Variants in EMC3 observed in about 807,000 individuals in gnomAD.
EMC3 encodes ER membrane protein complex subunit 3.
Under a neutral mutation model 36.6 loss-of-function variants are expected in EMC3, and 13 were observed. The observed-to-expected ratio is 0.35, with a 90% CI of 0.23 to 0.56. The LOEUF (loss-of-function observed/expected upper bound fraction) is 0.56. EMC3 is among the 20% of genes least tolerant of loss of function. EMC3 has a pLI of 0.84. For synonymous variants in EMC3, 120 were observed against 111.9 expected (o/e 1.07, Z -0.46); for missense variants, 220 against 324.5 (o/e 0.68, Z 2.47).
At chr3:9,969,518 C>T in intron 7 of EMC3, 1 of 1,453,558 alleles carries the variant, frequency 6.9e-7, no homozygotes, top group East Asian at 2.6e-5. Flanking sequence ...ATTTAAAAAC[C>T]AGTAAAAGCA....
chr3:9,982,229 C>A (rs1173799673), intron 1 of EMC3, among the ~76,000 whole-genome samples: 2 of 151,562 alleles, frequency 1.3e-5, no homozygotes, highest in African/African-American at 4.9e-5. Flanking sequence ...GGATTACAGG[C>A]TTGAGCCACC....
chr3:9,987,319 TA>T (rs2085988643), upstream of EMC3: 2 of 985,332 alleles, frequency 2.0e-6, no homozygotes, highest in African/African-American at 3.5e-5. Flanking sequence ...CCCTGCGACC[TA>T]ATCTCTTAAG....
upstream of EMC3, chr3:9,987,708 C>G (rs1207271318): frequency 5.0e-6 from 2 of 399,082 alleles, no homozygotes; most frequent in African/African-American, 2.1e-5. Context: ...TGTAGTACCT[C>G]ACAGAATTCT....
At chr3:9,988,752 T>C (rs2086009146), upstream of EMC3, 9 of 1,478,992 alleles carry the variant, frequency 6.1e-6, no homozygotes, top group South Asian at 9.2e-5. Flanking sequence ...CACAAGGTAA[T>C]GTTCATGTAC....
rs1461817095 is a variant in EMC3 at position 9,963,598 on chromosome 3, C to T, written c.*471G>A. On this transcript the variant is annotated 3_prime_UTR_variant, in exon 8 of 8. Transcript: ENST00000245046. ...TAAGCAGTTCTCTGCCTCAGCCTCC[C>T]AAGTAGCTGGGATTACAGGTGCCCA... 1 of 152,408 alleles carries T rather than the reference C, an allele frequency of 6.6e-6. No individual in the cohort carries two copies. Among genetic ancestry groups the T allele is most frequent in the African/African-American group, 2.4e-5 (1 of 41,088 alleles). The allele number at this position is 152,408 out of a possible 1,614,324, so 9.4% of individuals were successfully genotyped here. A position where few individuals can be genotyped will look rare whatever the true frequency, so the allele number is the denominator to read the frequency against.
At chr3:10,006,719 C>T (rs987146024) in intron 1 of EMC3, 2 of 274,552 alleles carry the variant, frequency 7.3e-6, no homozygotes, top group East Asian at 2.4e-4. Context: ...ACATGTAGTG[C>T]ACAGCAGAGT....
At chr3:9,996,675 A>C (rs1005547980) in intron 1 of EMC3, among the ~76,000 whole-genome samples, 1 of 152,160 alleles carries the variant, frequency 6.6e-6, no homozygotes, top group Non-Finnish European at 1.5e-5. Context: ...CATGTGTCAA[A>C]ATTCAAAACA....
At chr3:9,970,132 C>A (rs997575832) in intron 6 of EMC3, among the ~76,000 whole-genome samples, 4 of 152,232 alleles carry the variant, frequency 2.6e-5, no homozygotes, top group Non-Finnish European at 5.9e-5. Flanking sequence ...AACAACCCCA[C>A]AGGTTAACTA....
intron 1 of EMC3, chr3:10,007,223 G>C (rs1374706062): frequency 2.9e-5 from 29 of 994,334 alleles, no homozygotes; most frequent in Non-Finnish European, 3.6e-5. Context: ...AAGGGCTGAG[G>C]CTCTGAGCAG....
chr3:9,964,026 G>C lies in EMC3; in HGVS notation c.*43C>G, dbSNP rs1468733488. 1 of 1,609,030 alleles carries C rather than the reference G, an allele frequency of 6.2e-7. No individual in the cohort carries two copies. Among genetic ancestry groups the C allele is most frequent in the African/African-American group, 1.3e-5 (1 of 74,680 alleles). On this transcript the variant is annotated 3_prime_UTR_variant, in exon 8 of 8. Transcript: ENST00000245046. ...GCTCCAAACAAAGTTACAAGGTTAA[G>C]TGCAACTCCAAGTTCCTGACACAGC...
At chr3:9,983,217 G>A (rs905864683) in intron 1 of EMC3, among the ~76,000 whole-genome samples, 1 of 151,350 alleles carries the variant, frequency 6.6e-6, no homozygotes, top group South Asian at 2.1e-4. Context: ...CAGCCATCTC[G>A]GCTCTCTGTA....
chr3:10,010,766 T>A (rs2086315583), intron 1 of EMC3: 1 of 152,490 alleles, frequency 6.6e-6, no homozygotes, highest in Non-Finnish European at 1.5e-5. Flanking sequence ...GGACCCGAGT[T>A]AGTGCCCCCT....
rs1227966458 is a variant in EMC3 at position 9,963,302 on chromosome 3, T to G, written c.*767A>C. On this transcript the variant is annotated 3_prime_UTR_variant, in exon 8 of 8. Coordinates refer to ENST00000245046, the MANE Select transcript of EMC3 (RefSeq NM_001394674.1). ...AAATGGTTTACTTGTGTAAAGAAAG[T>G]TAACAATACTAACAAAACTAATGGT... 3 of 151,942 alleles carry G rather than the reference T, an allele frequency of 2.0e-5. No individual in the cohort carries two copies. Among genetic ancestry groups the G allele is most frequent in the Non-Finnish European group, 4.4e-5 (3 of 67,972 alleles). 9.4% of individuals were successfully genotyped at this position (151,942 alleles called of 1,614,324 possible). A position where few individuals can be genotyped will look rare whatever the true frequency, so the allele number is the denominator to read the frequency against.
At chr3:9,973,377 G>C in intron 5 of EMC3, 1 of 350,352 alleles carries the variant, frequency 2.9e-6, no homozygotes, top group Non-Finnish European at 5.3e-6. Context: ...TGTATTTTTA[G>C]TACAGACGGG....
chr3:9,967,175 C>A (rs2085743212), intron 7 of EMC3, among the ~76,000 whole-genome samples: 1 of 152,012 alleles, frequency 6.6e-6, no homozygotes, highest in Non-Finnish European at 1.5e-5. Flanking sequence ...GACTTTGACC[C>A]ATTTGATTTC....
At chr3:9,969,037 C>G (rs372134719) in intron 7 of EMC3, 7 of 152,570 alleles carry the variant, frequency 4.6e-5, no homozygotes, top group Admixed American at 4.6e-4. Context: ...GTTGGCCAGG[C>G]TGGTCTTGAA....
intron 1 of EMC3, chr3:10,004,438 T>C (rs538896451): frequency 1.3e-5 from 2 of 152,374 alleles, no homozygotes; most frequent in East Asian, 3.9e-4. Context: ...CCACCTACCT[T>C]GTTTTGGAAC....
chr3:10,007,160 C>T, intron 1 of EMC3: 1 of 493,508 alleles, frequency 2.0e-6, no homozygotes, highest in Non-Finnish European at 3.2e-6. Flanking sequence ...AAAGCCACCT[C>T]AGAGAAGTAT....
rs1440413371 is a variant in EMC3 at position 9,970,636 on chromosome 3, G to C, written c.520C>G (p.Leu174Val). The C allele has an allele frequency of 6.2e-7, 1 of 1,614,118 alleles. No individual in the cohort carries two copies. Among genetic ancestry groups the C allele is most frequent in the East Asian group, 2.2e-5 (1 of 44,880 alleles). ...SWVSSASWYF[L>V]NVFGLRSIYS... ...ATGCTCCGAAGCCCAAATACATTGA[G>C]GAAGTACCAGGATGCAGAACTCACC... Residue 174 changes from leucine to valine, a missense_variant, in exon 6 of 8, where the codon CTC (leucine) becomes GTC (valine). Leu to Val is a conservative substitution (Grantham distance 32). This residue lies in a region of EMC3 where 56 missense variants were observed against 117.0 expected (regional missense o/e 0.48). Transcript: ENST00000245046.
Sources: gnomAD v4.1 joint callset for allele counts (sites outside exome capture counted in the v4.1 genomes callset) on GRCh38, gnomAD v4.1.1 for gene constraint, gnomAD v4.1.1 regional missense constraint, MANE v1.5 for transcripts, NCBI Gene and HGNC (gene_info 2026-07-23, HGNC 2026-07-21) for gene names.